ZFAND3: variants seen among roughly 807,000 people sequenced by gnomAD.
The protein encoded by ZFAND3 is AN1-type zinc finger protein 3.
ZFAND3 carries 10 observed loss-of-function variants against 29.6 expected under a neutral mutation model. The observed-to-expected ratio is 0.34, with a 90% CI of 0.21 to 0.57. The LOEUF (loss-of-function observed/expected upper bound fraction) is 0.57, where lower values mean the gene tolerates loss of function less well. Among genes scored for constraint, ZFAND3 ranks in the 20% least tolerant of loss-of-function variants. The pLI is 0.86. For synonymous variants in ZFAND3, 128 were observed against 112.6 expected (o/e 1.14, Z -0.87); for missense variants, 230 against 304.5 (o/e 0.76, Z 1.82).
chr6:37,888,305 C>T (rs1765032089), intron 1 of ZFAND3, among the ~76,000 whole-genome samples: 7 of 152,170 alleles, frequency 4.6e-5, no homozygotes, highest in Admixed American at 4.6e-4. Context: ...TCACATAGCT[C>T]AGTCTCTGAT....
rs1764210994 is a variant in ZFAND3 at position 38,060,370 on chromosome 6, T to TC, written c.113-1219dup. ...GTAGCTTTCTGTTCATCCTCTCCTCTCCCCTCCCGTTTTTCTTTTTCTTTC... is the reference window on the plus strand; with the variant it reads ...GTAGCTTTCTGTTCATCCTCTCCTCTCCCCCTCCCGTTTTTCTTTTTCTTTC... On this transcript the variant is annotated intron_variant, in intron 2 of 5. Coordinates refer to ENST00000287218, the MANE Select transcript of ZFAND3 (RefSeq NM_021943.3). Among the ~76,000 whole-genome samples the TC allele has an allele frequency of 2.0e-5, 3 of 152,018 alleles. No homozygotes were observed. In the South Asian group the frequency reaches 6.3e-4, roughly 32 times the overall value.
intron 1 of ZFAND3, among the ~76,000 whole-genome samples, chr6:37,860,960 T>C (rs1478562468): frequency 6.6e-6 from 1 of 152,046 alleles, no homozygotes; most frequent in African/African-American, 2.4e-5. Flanking sequence ...GAGAGCAATG[T>C]CTAGTTAAAT....
At chr6:37,828,072 C>T (rs1000561168) in intron 1 of ZFAND3, among the ~76,000 whole-genome samples, 29 of 152,192 alleles carry the variant, frequency 1.9e-4, no homozygotes, top group Non-Finnish European at 3.4e-4. Context: ...GTTGATGTAT[C>T]TGCTTCTTGG....
chr6:38,072,977 A>G (rs1581893869), intron 3 of ZFAND3, among the ~76,000 whole-genome samples: 1 of 152,230 alleles, frequency 6.6e-6, no homozygotes, highest in Admixed American at 6.5e-5. Context: ...TTAGTTGCAA[A>G]GAGAGATCCT....
At chr6:37,936,501 A>C (rs996583978) in intron 2 of ZFAND3, among the ~76,000 whole-genome samples, 5 of 152,208 alleles carry the variant, frequency 3.3e-5, no homozygotes, top group African/African-American at 1.2e-4. Context: ...TGGACTTTTA[A>C]ATGTGTGCAT....
intron 3 of ZFAND3, among the ~76,000 whole-genome samples, chr6:38,073,581 A>G (rs1011992438): frequency 6.6e-6 from 1 of 152,198 alleles, no homozygotes; most frequent in Non-Finnish European, 1.5e-5. Flanking sequence ...TAAAATTAGT[A>G]CTGATTTTAT....
intron 1 of ZFAND3, chr6:37,833,156 T>A (rs1763896440): frequency 6.6e-6 from 1 of 152,226 alleles, no homozygotes; most frequent in Admixed American, 6.5e-5. Flanking sequence ...GCAGTCCACC[T>A]CAGCCTCCCA....
At chr6:37,993,545 T>C (rs1762797231) in intron 2 of ZFAND3, among the ~76,000 whole-genome samples, 1 of 152,082 alleles carries the variant, frequency 6.6e-6, no homozygotes, top group Non-Finnish European at 1.5e-5. Flanking sequence ...CAGGCTGGTC[T>C]TGAACTCCTG....
chr6:38,066,885 G>A (rs527375056), intron 3 of ZFAND3, among the ~76,000 whole-genome samples: 2 of 152,294 alleles, frequency 1.3e-5, no homozygotes, highest in South Asian at 4.1e-4. Flanking sequence ...AAGCTCTTAA[G>A]TGATATTTCT....
intron 2 of ZFAND3, among the ~76,000 whole-genome samples, chr6:37,999,494 G>C (rs542964371): frequency 6.6e-6 from 1 of 152,288 alleles, no homozygotes; most frequent in Admixed American, 6.5e-5. Context: ...TCAGCCAGGT[G>C]ATCAAGATTA....
chr6:38,026,512 C>T (rs953189237), intron 2 of ZFAND3, among the ~76,000 whole-genome samples: 4 of 140,412 alleles, frequency 2.8e-5, no homozygotes, highest in Non-Finnish European at 4.5e-5. Context: ...CTCACTGCAA[C>T]CTCTGCCTCC....
chr6:37,977,501 C>T (rs141441448), intron 2 of ZFAND3, among the ~76,000 whole-genome samples: 115 of 152,134 alleles, frequency 7.6e-4, no homozygotes, highest in African/African-American at 2.6e-3. Flanking sequence ...GGGGGTTTCA[C>T]CATGTTGACC....
In ZFAND3 at chr6:37,854,587, T is replaced by C. The variant is rs569772616; in HGVS notation, c.71+34571T>C. ...GCCCGGCACTGTTCTAAGAGTGTTA[T>C]GTGTATTAATTATTTCCTTTCTTCC... On this transcript the variant is annotated intron_variant, in intron 1 of 5. Transcript: ENST00000287218. 2.6e-5 allele frequency among the ~76,000 whole-genome samples: 4 copies of C among 152,326 alleles called. No homozygotes were observed. The East Asian group carries it at 5.8e-4, about 22-fold the overall frequency.
At chr6:38,135,760 A>C (rs1162831641) in intron 5 of ZFAND3, among the ~76,000 whole-genome samples, 1 of 149,978 alleles carries the variant, frequency 6.7e-6, no homozygotes, top group Admixed American at 6.7e-5. Context: ...AAAAAAAAAC[A>C]AACAAAAAAA....
At chr6:37,940,895 A>C (rs756876743) in intron 2 of ZFAND3, among the ~76,000 whole-genome samples, 2 of 152,254 alleles carry the variant, frequency 1.3e-5, no homozygotes, top group Admixed American at 1.3e-4. Context: ...GTAGTGGAAC[A>C]AGAATTAGTT....
intron 1 of ZFAND3, among the ~76,000 whole-genome samples, chr6:37,833,762 G>A (rs983142094): frequency 5.3e-5 from 8 of 150,466 alleles, no homozygotes; most frequent in Non-Finnish European, 8.8e-5. Flanking sequence ...GGAGGTGGAG[G>A]CTGCAGTGAG....
At chr6:37,901,119 G>A (rs1765311925) in intron 1 of ZFAND3, among the ~76,000 whole-genome samples, 1 of 152,122 alleles carries the variant, frequency 6.6e-6, no homozygotes, top group African/African-American at 2.4e-5. Flanking sequence ...GAGCAAGGGA[G>A]CAAGCCGTCC....
chr6:38,094,710 A>G (rs1236612408), intron 4 of ZFAND3, among the ~76,000 whole-genome samples: 2 of 152,192 alleles, frequency 1.3e-5, no homozygotes, highest in African/African-American at 2.4e-5. Context: ...GGATATTAAT[A>G]CATCTGATTG....
At chr6:37,968,249 G>A (rs975430784) in intron 2 of ZFAND3, among the ~76,000 whole-genome samples, 5 of 152,020 alleles carry the variant, frequency 3.3e-5, no homozygotes, top group Non-Finnish European at 4.4e-5. Flanking sequence ...AATGAGATAC[G>A]TTCCTGGGGA....
Sources: gnomAD v4.1 joint callset for allele counts (sites outside exome capture counted in the v4.1 genomes callset) on GRCh38, gnomAD v4.1.1 for gene constraint, MANE v1.5 for transcripts, NCBI Gene and HGNC (gene_info 2026-07-23, HGNC 2026-07-21) for gene names.